The following ZBTB7C variants were observed in gnomAD, a reference collection of about 807,000 sequenced individuals.
ZBTB7C encodes zinc finger and BTB domain-containing protein 7C.
Under a neutral mutation model 25.7 loss-of-function variants are expected in ZBTB7C, and 8 were observed. The ratio of observed to expected loss-of-function variants is 0.31; its 90% CI spans 0.18 to 0.56. The LOEUF is 0.56. Among genes scored for constraint, ZBTB7C ranks in the 20% least tolerant of loss-of-function variants. The pLI is 0.91. For missense variants in ZBTB7C, 824 were observed against 855.2 expected, an observed-to-expected ratio of 0.96 and a Z score of 0.46; for synonymous variants, 394 against 369.0, an observed-to-expected ratio of 1.07 and a Z score of -0.78.
At chr18:48,372,443 G>A (rs1010815710) in intron 1 of ZBTB7C, among the ~76,000 whole-genome samples, 12 of 152,264 alleles carry the variant, frequency 7.9e-5, no homozygotes, top group South Asian at 6.2e-4. Flanking sequence ...TGTCACTTCC[G>A]CGCTGAGGGA....
At chr18:48,208,003 T>C (rs1443488335) in intron 2 of ZBTB7C, among the ~76,000 whole-genome samples, 1 of 138,736 alleles carries the variant, frequency 7.2e-6, no homozygotes, top group East Asian at 2.4e-4. Context: ...GCATTTAAGG[T>C]TTGGACACTT....
intron 2 of ZBTB7C, among the ~76,000 whole-genome samples, chr18:48,300,436 G>A (rs1302480268): frequency 6.6e-6 from 1 of 152,168 alleles, no homozygotes; most frequent in African/African-American, 2.4e-5. Flanking sequence ...GAAACCATAT[G>A]CTGGTGGAGC....
At chr18:48,312,654 T>G (rs2045848905) in intron 2 of ZBTB7C, among the ~76,000 whole-genome samples, 3 of 152,146 alleles carry the variant, frequency 2.0e-5, no homozygotes, top group African/African-American at 7.2e-5. Flanking sequence ...CACAGCAATG[T>G]TGTGAGAATT....
intron 1 of ZBTB7C, among the ~76,000 whole-genome samples, chr18:48,398,736 C>A (rs1174591625): frequency 5.3e-5 from 8 of 152,162 alleles, no homozygotes; most frequent in African/African-American, 1.9e-4. Flanking sequence ...CCCCCACCCC[C>A]ACCTTTGCCT....
intron 3 of ZBTB7C, among the ~76,000 whole-genome samples, chr18:48,177,008 T>A (rs1263658836): frequency 2.0e-5 from 3 of 152,246 alleles, no homozygotes; most frequent in Non-Finnish European, 4.4e-5. Context: ...AAAGAGATGA[T>A]GCCTGCAAGA....
chr18:48,369,108 G>C (rs1208987336), intron 1 of ZBTB7C, among the ~76,000 whole-genome samples: 1 of 152,056 alleles, frequency 6.6e-6, no homozygotes, highest in African/African-American at 2.4e-5. Flanking sequence ...TGTCTGATGT[G>C]GTTCTAAATG....
At chr18:48,108,332 G>C (rs147403877) in intron 3 of ZBTB7C, among the ~76,000 whole-genome samples, 29 of 152,284 alleles carry the variant, frequency 1.9e-4, no homozygotes, top group Admixed American at 1.9e-3. Flanking sequence ...GCGAGGGCGG[G>C]GAGGCGAGTG....
chr18:48,169,186 C>T (rs2041377161), intron 3 of ZBTB7C, among the ~76,000 whole-genome samples: 1 of 152,220 alleles, frequency 6.6e-6, no homozygotes. Flanking sequence ...CCTCCTACTG[C>T]ATGCTCCTGC....
intron 3 of ZBTB7C, among the ~76,000 whole-genome samples, chr18:48,168,223 C>G (rs1484086009): frequency 1.3e-5 from 2 of 152,224 alleles, no homozygotes; most frequent in Admixed American, 1.3e-4. Flanking sequence ...GTCAGAGGCT[C>G]CCTGCAAAGA....
chr18:48,238,616 T>C (rs1260971370), intron 2 of ZBTB7C, among the ~76,000 whole-genome samples: 1 of 152,190 alleles, frequency 6.6e-6, no homozygotes, highest in African/African-American at 2.4e-5. Context: ...CAAAAAGATC[T>C]CTGTAGGCGC....
rs867036583 is a variant in ZBTB7C, at chr18:48,338,911, T to G, written c.-303-513A>C. Among the ~76,000 whole-genome samples the G allele has an allele frequency of 7.1e-4, 98 of 137,996 alleles. 1 individual carries two copies. The highest frequency in any genetic ancestry group is 2.2e-3 in the African/African-American group (82 of 38,060). 90.5% of individuals were successfully genotyped at this position (137,996 alleles called of 152,430 possible). Reference sequence around the variant, plus strand: ...AGGCTTCTGGTGTTCTGTAGTTTGTTGGGGGGGGGGGGTCCAGGTAGGACA... The same window carrying G: ...AGGCTTCTGGTGTTCTGTAGTTTGTGGGGGGGGGGGGGTCCAGGTAGGACA... On this transcript the variant is annotated intron_variant, in intron 1 of 4. Coordinates refer to ENST00000590800, the MANE Select transcript of ZBTB7C (RefSeq NM_001318841.2).
intron 3 of ZBTB7C, among the ~76,000 whole-genome samples, chr18:48,107,577 A>C (rs1251315712): frequency 6.6e-6 from 1 of 152,032 alleles, no homozygotes; most frequent in Non-Finnish European, 1.5e-5. Context: ...TTCTGGTGAT[A>C]AGAAAGTGGA....
intron 3 of ZBTB7C, among the ~76,000 whole-genome samples, chr18:48,157,399 C>T (rs535813402): frequency 1.3e-5 from 2 of 152,122 alleles, no homozygotes; most frequent in East Asian, 1.9e-4. Flanking sequence ...TAACTGTGGG[C>T]GGATGAGGAA....
At chr18:48,030,737 A>G (rs1241861311) in intron 4 of ZBTB7C, among the ~76,000 whole-genome samples, 1 of 152,228 alleles carries the variant, frequency 6.6e-6, no homozygotes, top group African/African-American at 2.4e-5. Context: ...CTCACTGCCC[A>G]GAGCTGAACC....
At chr18:48,303,600 C>T (rs983054831) in intron 2 of ZBTB7C, among the ~76,000 whole-genome samples, 11 of 152,246 alleles carry the variant, frequency 7.2e-5, no homozygotes, top group South Asian at 2.1e-4. Flanking sequence ...GGAAGACATC[C>T]GAGAAAAGCT....
chr18:48,270,209 G>A (rs2044433809), intron 2 of ZBTB7C, among the ~76,000 whole-genome samples: 1 of 149,968 alleles, frequency 6.7e-6, no homozygotes, highest in Non-Finnish European at 1.5e-5. Context: ...AATGAAAGAG[G>A]AAACTAATTA....
chr18:48,272,171 T>C (rs773545397), intron 2 of ZBTB7C, among the ~76,000 whole-genome samples: 4 of 152,202 alleles, frequency 2.6e-5, no homozygotes, highest in Non-Finnish European at 5.9e-5. Context: ...CCAGATGAGA[T>C]TAACATTTGA....
intron 1 of ZBTB7C, among the ~76,000 whole-genome samples, chr18:48,368,448 C>A (rs546014159): frequency 6.6e-6 from 1 of 152,016 alleles, no homozygotes; most frequent in Non-Finnish European, 1.5e-5. Flanking sequence ...CCTCAGGGAC[C>A]TGTGGTACTA....
At chr18:48,319,935 G>A (rs1054818388) in intron 2 of ZBTB7C, among the ~76,000 whole-genome samples, 3 of 152,156 alleles carry the variant, frequency 2.0e-5, no homozygotes, top group African/African-American at 7.2e-5. Flanking sequence ...GCTAGAAACT[G>A]TCTGGGCCGT....
Sources: allele counts gnomAD v4.1 joint callset (sites outside exome capture counted in the v4.1 genomes callset), GRCh38; gene constraint gnomAD v4.1.1; transcripts MANE v1.5; gene names NCBI Gene and HGNC (gene_info 2026-07-23, HGNC 2026-07-21).